The following HIP1R variants were observed in gnomAD, a reference collection of about 807,000 sequenced individuals.
The protein encoded by HIP1R is huntingtin interacting protein 1 related, also known as huntingtin-interacting protein 1-related protein.
Under a neutral mutation model 144.2 loss-of-function variants are expected in HIP1R, and 135 were observed. The observed-to-expected ratio is 0.94, with a 90% confidence interval of 0.81 to 1.08. HIP1R has a LOEUF of 1.08. HIP1R is among the 50% of genes least tolerant of loss of function. HIP1R has a pLI of 0.00. For synonymous variants in HIP1R, 698 were observed against 612.8 expected (o/e 1.14, Z -2.05); for missense variants, 1,462 against 1,432.8 (o/e 1.02, Z -0.33).
rs776799421 is a variant in HIP1R, at chr12:122,856,171, G to A, written c.1312+8G>A. ...TGCGTGAGGAGGCTGAGAGTACGTGGGGCCTTGGCCACAGGGGTCCAAGGG... is the reference window on the plus strand; with the variant it reads ...TGCGTGAGGAGGCTGAGAGTACGTGAGGCCTTGGCCACAGGGGTCCAAGGG... On this transcript the variant is annotated splice_region_variant and intron_variant, in intron 14 of 31. Coordinates refer to ENST00000253083, the MANE Select transcript of HIP1R (RefSeq NM_003959.3). 1.2e-6 allele frequency: 2 copies of A among 1,607,580 alleles called. No individual in the cohort carries two copies. The highest frequency in any genetic ancestry group is 2.7e-5 in the African/African-American group (2 of 74,826).
chr12:122,861,675 A>T (rs2033777835), intron 31 of HIP1R, 31 bp from the exon 32 acceptor site: 2 of 1,612,970 alleles, frequency 1.2e-6, no homozygotes, highest in Admixed American at 1.7e-5. Context: ...CCTGGCTGTG[A>T]CCACTGACCC....
At position 122,858,911 on chromosome 12, in the gene HIP1R, C is replaced by T. The variant is rs368285233; in HGVS notation, c.2124C>T (p.Ala708=). The T allele has an allele frequency of 1.8e-5, 29 of 1,613,018 alleles. No individual in the cohort carries two copies. Among genetic ancestry groups the T allele is most frequent in the Non-Finnish European group, 2.4e-5 (28 of 1,180,008 alleles). Residue 708 remains alanine (A), a synonymous_variant, in exon 21 of 32, where the codon GCC becomes GCT. Coordinates refer to ENST00000253083, the MANE Select transcript of HIP1R (RefSeq NM_003959.3). ...CGGATACCATCATCAATGGCGGTGCCACCTCGCACCTGGCTCCCACCGACC... is the reference window on the plus strand; with the variant it reads ...CGGATACCATCATCAATGGCGGTGCTACCTCGCACCTGGCTCCCACCGACC... ...LAADTIINGG[A]TSHLAPTDPA...
intron 1 of HIP1R, among the ~76,000 whole-genome samples, chr12:122,837,094 T>A (rs1448540000): frequency 6.6e-6 from 1 of 152,212 alleles, no homozygotes; most frequent in African/African-American, 2.4e-5. Context: ...CATATCTGGA[T>A]GTTGTCAGAA....
At chr12:122,859,401 C>A in intron 22 of HIP1R, 25 bp from the exon 23 acceptor site, 1 of 1,588,882 alleles carries the variant, frequency 6.3e-7, no homozygotes, top group South Asian at 1.1e-5. Flanking sequence ...GGAGGCTACC[C>A]CTGTCTGACT....
In HIP1R at chr12:122,861,988, C is replaced by G. The variant is rs1213165570; in HGVS notation, c.*235C>G. On this transcript the variant is annotated 3_prime_UTR_variant, in exon 32 of 32. Transcript: ENST00000253083. ...CTGCAGAAGGAACTTTGGGGTGCAG[C>G]CAGGACCCGGTAGGCCTGAGCCTCA... The G allele has an allele frequency of 1.9e-6, 1 of 525,500 alleles. No individual in the cohort carries two copies. The allele number at this position is 525,500 out of a possible 1,614,324, so 32.6% of individuals were successfully genotyped here. A position where few individuals can be genotyped will look rare whatever the true frequency, so the allele number is the denominator to read the frequency against.
intron 1 of HIP1R, among the ~76,000 whole-genome samples, chr12:122,844,308 T>C (rs545207746): frequency 6.6e-6 from 1 of 152,204 alleles, no homozygotes; most frequent in South Asian, 2.1e-4. Flanking sequence ...AAGTTTTAAA[T>C]TATTTTTGGT....
At chr12:122,837,923 A>G (rs1445104034) in intron 1 of HIP1R, among the ~76,000 whole-genome samples, 1 of 152,212 alleles carries the variant, frequency 6.6e-6, no homozygotes. Context: ...TGTTACTTCC[A>G]TGTCTCCTTC....
chr12:122,860,615 G>A (rs2033740443), intron 27 of HIP1R, 64 bp from the exon 28 acceptor site: 2 of 1,559,686 alleles, frequency 1.3e-6, no homozygotes, highest in African/African-American at 1.4e-5. Context: ...TAGAGGGGGT[G>A]TGGAGTGGTG....
chr12:122,856,512 C>T lies in HIP1R; in HGVS notation c.1482C>T (p.Phe494=). ...EVARVKEQLA[F]QVEQVKRESE... ...CGCGGGTGAAGGAGCAGCTGGCCTT[C>T]CAGGTGGAGCAGGTGAAGCGGGAGT... The change falls in exon 16 of 32, where the codon TTC becomes TTT. Residue 494 remains phenylalanine, a synonymous_variant. Transcript: ENST00000253083. 2 of 1,597,370 alleles carry T rather than the reference C, an allele frequency of 1.3e-6. No homozygotes were observed. Among genetic ancestry groups the T allele is most frequent in the Non-Finnish European group, 1.7e-6 (2 of 1,171,534 alleles).
Position 122,855,921 on chromosome 12 carries a change from G to C in HIP1R, c.1128+18G>C. ...AGCTGGAGGTGCGGGGTGGGGATGGGTGGGGGCCAGGGCCCCTCACGGCCC... is the reference window on the plus strand; with the variant it reads ...AGCTGGAGGTGCGGGGTGGGGATGGCTGGGGGCCAGGGCCCCTCACGGCCC... On this transcript the variant is annotated intron_variant, in intron 13 of 31. Transcript: ENST00000253083. 6.4e-7 allele frequency: 1 copy of C among 1,563,804 alleles called. No homozygotes were observed. The highest frequency in any genetic ancestry group is 8.7e-7 in the Non-Finnish European group (1 of 1,153,844).
chr12:122,854,340 GAAAAAA>G (rs5801492), intron 8 of HIP1R, among the ~76,000 whole-genome samples, 157 bp downstream of exon 8: 6 of 128,580 alleles, frequency 4.7e-5, no homozygotes, highest in African/African-American at 1.7e-4. Context: ...TATATTTTAT[GAAAAAA>G]AAAAAAAAAA....
At chr12:122,841,641 T>G (rs2033063340) in intron 1 of HIP1R, among the ~76,000 whole-genome samples, 1 of 152,170 alleles carries the variant, frequency 6.6e-6, no homozygotes, top group Admixed American at 6.5e-5. Flanking sequence ...TGCAGTAGGT[T>G]CATCTGCTTG....
chr12:122,848,416 G>A (rs538017377), intron 2 of HIP1R, 50 bp from the exon 3 acceptor site: 1 of 1,564,990 alleles, frequency 6.4e-7, no homozygotes, highest in South Asian at 1.2e-5. Context: ...CGGGTTTGCT[G>A]AGCCCCCGTG....
intron 7 of HIP1R, among the ~76,000 whole-genome samples, chr12:122,852,018 A>G (rs936139515): frequency 6.6e-6 from 1 of 152,028 alleles, no homozygotes; most frequent in Non-Finnish European, 1.5e-5. Context: ...TAGCGAGGGA[A>G]CCCGGCCGCT....
rs1344934025 is a variant in HIP1R at position 122,851,312 on chromosome 12, G to T, written c.577+15G>T. 6.5e-7 allele frequency: 1 copy of T among 1,531,860 alleles called. No individual in the cohort carries two copies. The highest frequency in any genetic ancestry group is 1.3e-5 in the South Asian group (1 of 78,196). 94.9% of individuals were successfully genotyped at this position (1,531,860 alleles called of 1,614,324 possible). ...TTCTGAATCAGGTGAGCCGTAAAGA[G>T]GGGATGCGGGGGTCTGAGTGTATTG... On this transcript the variant is annotated intron_variant, in intron 7 of 31. Transcript: ENST00000253083.
At position 122,855,144 on chromosome 12, in the gene HIP1R, G is replaced by A; in HGVS notation, c.852+16G>A. On this transcript the variant is annotated intron_variant, in intron 10 of 31. Transcript: ENST00000253083. ...GCTGCCCGAGGTACCACCCCCAAGA[G>A]GGCCCCGAGGCCCTTTGAGGACCCC... 6.2e-7 allele frequency: 1 copy of A among 1,613,122 alleles called. No individual in the cohort carries two copies. Among genetic ancestry groups the A allele is most frequent in the Non-Finnish European group, 8.5e-7 (1 of 1,179,858 alleles).
Position 122,860,787 on chromosome 12 carries a change from G to A in HIP1R, c.2766+3G>A, listed in dbSNP as rs369039369. On this transcript the variant is annotated splice_donor_region_variant and intron_variant, in intron 28 of 31. Transcript: ENST00000253083. ...CCCAGCTGGTGGCGGCCTCCAAGGT[G>A]AGCTTGCACGCCGACAGCAGCACAC... 1.2e-4 allele frequency: 193 copies of A among 1,611,816 alleles called. No individual in the cohort carries two copies. The highest frequency in any genetic ancestry group is 1.6e-4 in the Non-Finnish European group (185 of 1,179,288).
Position 122,855,835 on chromosome 12 carries a change from C to T in HIP1R, c.1060C>T (p.Leu354Phe), listed in dbSNP as rs746229651. The T allele has an allele frequency of 3.8e-6, 6 of 1,563,454 alleles. No homozygotes were observed. The highest frequency in any genetic ancestry group is 2.4e-5 in the South Asian group (2 of 84,820). The change falls in exon 13 of 32, where the codon CTC (leucine) becomes TTC (phenylalanine). Residue 354 changes from leucine to phenylalanine, a missense_variant. Around this residue, in one of 2 missense-constraint regions of HIP1R, gnomAD observed 1,112 missense variants for 1,011.7 expected, o/e 1.10. Transcript: ENST00000253083. ...CCCCAGGACCTCTGTCCCCAGGGAC[C>T]TCCAGATTGAGAGCTTGAAGAGAGA... ...PNGSVKDDRDLQIESLKREVE... is the reference protein window; with the variant it reads ...PNGSVKDDRDFQIESLKREVE...
Position 122,860,484 on chromosome 12 carries a change from C to G in HIP1R, c.2621C>G (p.Ser874Trp), listed in dbSNP as rs138744947. Residue 874 changes from serine to tryptophan, a missense_variant, in exon 27 of 32, where the codon TCG becomes TGG. Transcript: ENST00000253083. ...TCGCGCTGGACCGAAGGCCTCATCT[C>G]GGCCTCCAAGGCTGTGGGCTGGGGA... ...KNSRWTEGLI[S>W]ASKAVGWGAT... 1 of 1,613,044 alleles carries G rather than the reference C, an allele frequency of 6.2e-7. No individual in the cohort carries two copies. The highest frequency in any genetic ancestry group is 8.5e-7 in the Non-Finnish European group (1 of 1,179,966).
Sources: allele counts gnomAD v4.1 joint callset (sites outside exome capture counted in the v4.1 genomes callset), GRCh38; gene constraint gnomAD v4.1.1; regional missense constraint gnomAD v4.1.1; transcripts MANE v1.5; gene names NCBI Gene and HGNC (gene_info 2026-07-23, HGNC 2026-07-21).